EXOC6B: variants seen among roughly 807,000 people sequenced by gnomAD.
EXOC6B encodes exocyst complex component 6B.
EXOC6B carries 54 observed loss-of-function variants against 113.5 expected under a neutral mutation model. The observed-to-expected ratio is 0.48, with a 90% confidence interval of 0.38 to 0.60. EXOC6B has a LOEUF of 0.60. Ranked by LOEUF, EXOC6B falls within the 20% of genes least tolerant of loss-of-function variation. The probability of loss-of-function intolerance (pLI) is 0.00; values close to 1 mark genes in which losing one functional copy is unlikely to be tolerated. For missense variants in EXOC6B, 797 were observed against 977.5 expected, an observed-to-expected ratio of 0.82 and a Z score of 2.46; for synonymous variants, 357 against 339.0, an observed-to-expected ratio of 1.05 and a Z score of -0.58.
chr2:72,423,067 C>T (rs1052270781), intron 18 of EXOC6B, among the ~76,000 whole-genome samples: 29 of 152,286 alleles, frequency 1.9e-4, no homozygotes, highest in African/African-American at 5.5e-4. Flanking sequence ...TTTGGGTCCA[C>T]GCTGCTTTTA....
intron 5 of EXOC6B, among the ~76,000 whole-genome samples, chr2:72,720,756 A>T (rs888536548): frequency 6.6e-6 from 1 of 152,102 alleles, no homozygotes; most frequent in African/African-American, 2.4e-5. Context: ...CCGTCAAAAA[A>T]TAAAAATAAA....
At chr2:72,241,382 T>C (rs978912036) in intron 20 of EXOC6B, among the ~76,000 whole-genome samples, 4 of 152,044 alleles carry the variant, frequency 2.6e-5, no homozygotes, top group Non-Finnish European at 4.4e-5. Flanking sequence ...CATGGGACAA[T>C]TGCAAAAGGT....
At chr2:72,639,909 G>A (rs1422525811) in intron 6 of EXOC6B, among the ~76,000 whole-genome samples, 2 of 152,206 alleles carry the variant, frequency 1.3e-5, no homozygotes, top group Non-Finnish European at 2.9e-5. Flanking sequence ...AGCCAACAAG[G>A]ATGAGAAAGA....
At chr2:72,459,689 C>G (rs1000031731) in intron 18 of EXOC6B, among the ~76,000 whole-genome samples, 10 of 152,076 alleles carry the variant, frequency 6.6e-5, no homozygotes, top group African/African-American at 2.4e-4. Flanking sequence ...CAAACCACTG[C>G]TCAAGGAAAT....
chr2:72,607,517 T>A (rs1056458309), intron 6 of EXOC6B, among the ~76,000 whole-genome samples: 1 of 152,166 alleles, frequency 6.6e-6, no homozygotes, highest in East Asian at 1.9e-4. Context: ...GGAAAATCTC[T>A]CTCTCAAAAA....
chr2:72,737,011 T>A (rs1681011319), intron 2 of EXOC6B, among the ~76,000 whole-genome samples: 1 of 152,184 alleles, frequency 6.6e-6, no homozygotes, highest in African/African-American at 2.4e-5. Context: ...TACAAATGTA[T>A]GGACCAATAA....
At chr2:72,386,751 C>A (rs185632105) in intron 18 of EXOC6B, among the ~76,000 whole-genome samples, 1 of 152,126 alleles carries the variant, frequency 6.6e-6, no homozygotes, top group Non-Finnish European at 1.5e-5. Flanking sequence ...AGAGAAAATA[C>A]GGGAAACTAT....
intron 6 of EXOC6B, among the ~76,000 whole-genome samples, chr2:72,645,801 G>C (rs1033051678): frequency 6.6e-6 from 1 of 152,102 alleles, no homozygotes; most frequent in Non-Finnish European, 1.5e-5. Context: ...AGTGTGTAGA[G>C]GGAAATTTAT....
intron 20 of EXOC6B, among the ~76,000 whole-genome samples, chr2:72,222,370 G>A (rs1410061832): frequency 1.3e-5 from 2 of 152,144 alleles, no homozygotes; most frequent in African/African-American, 4.8e-5. Context: ...AATGTTTTTT[G>A]TGTAGACCAC....
rs141332071 is a variant in EXOC6B, at chr2:72,289,229, C to T, written c.2196+45718G>A. 29 of 158,036 alleles carry T rather than the reference C, an allele frequency of 1.8e-4. No homozygotes were observed. In the East Asian group the frequency reaches 5.2e-3, roughly 28 times the overall value. 9.8% of individuals were successfully genotyped at this position (158,036 alleles called of 1,614,324 possible). A position where few individuals can be genotyped will look rare whatever the true frequency, so the allele number is the denominator to read the frequency against. On this transcript the variant is annotated intron_variant, in intron 20 of 21. Coordinates refer to ENST00000272427, the MANE Select transcript of EXOC6B (RefSeq NM_015189.3). Reference sequence around the variant, plus strand: ...TGGAACTGGAAGCAGGAACAAGGGGCCTTTGAGGGATGTCGGTAATATTCT... The same window carrying T: ...TGGAACTGGAAGCAGGAACAAGGGGTCTTTGAGGGATGTCGGTAATATTCT...
At chr2:72,739,742 A>C (rs1434360092) in intron 2 of EXOC6B, among the ~76,000 whole-genome samples, 1 of 152,194 alleles carries the variant, frequency 6.6e-6, no homozygotes, top group African/African-American at 2.4e-5. Flanking sequence ...ATAGTTAAGC[A>C]TTAAAGAACA....
chr2:72,369,177 C>G (rs573536750), intron 19 of EXOC6B, among the ~76,000 whole-genome samples: 2 of 152,170 alleles, frequency 1.3e-5, no homozygotes, highest in South Asian at 4.1e-4. Context: ...TCTCAGGATA[C>G]AAAATCAATG....
At chr2:72,519,808 G>A (rs528895278) in intron 8 of EXOC6B, among the ~76,000 whole-genome samples, 6 of 152,230 alleles carry the variant, frequency 3.9e-5, no homozygotes, top group South Asian at 2.1e-4. Context: ...ACATATTTGC[G>A]TCTATAGCTT....
At chr2:72,559,278 T>C (rs772389601) in intron 8 of EXOC6B, among the ~76,000 whole-genome samples, 175 bp downstream of exon 8, 3 of 152,218 alleles carry the variant, frequency 2.0e-5, no homozygotes, top group Non-Finnish European at 2.9e-5. Flanking sequence ...AGCCATAGCA[T>C]ATTACATAAA....
intron 19 of EXOC6B, among the ~76,000 whole-genome samples, chr2:72,364,871 A>G (rs955532782): frequency 1.3e-5 from 2 of 152,160 alleles, no homozygotes; most frequent in Non-Finnish European, 2.9e-5. Context: ...GATTGCCTAC[A>G]CCAAAGCCCT....
chr2:72,350,047 G>C (rs1383243758), intron 19 of EXOC6B, among the ~76,000 whole-genome samples: 1 of 152,016 alleles, frequency 6.6e-6, no homozygotes, highest in Non-Finnish European at 1.5e-5. Flanking sequence ...CTCGATATTG[G>C]GTCCATTTTA....
At position 72,825,166 on chromosome 2, in the gene EXOC6B, T is replaced by G. The variant is rs984340391; in HGVS notation, c.113+632A>C. Among the ~76,000 whole-genome samples the G allele has an allele frequency of 6.6e-5, 10 of 151,790 alleles. No homozygotes were observed. Among genetic ancestry groups the G allele is most frequent in the Non-Finnish European group, 1.3e-4 (9 of 67,934 alleles). Reference sequence around the variant, plus strand: ...TGTGCGTGCAAAAAAAAATGATAACTGGGGGGCGGCAGCAGGGTCAGTTTT... The same window carrying G: ...TGTGCGTGCAAAAAAAAATGATAACGGGGGGGCGGCAGCAGGGTCAGTTTT... On this transcript the variant is annotated intron_variant, in intron 1 of 21. Transcript: ENST00000272427. The surrounding 1 kb of genome is among the most constrained non-coding windows in gnomAD (Gnocchi z 4.4).
intron 20 of EXOC6B, among the ~76,000 whole-genome samples, chr2:72,289,446 C>A (rs193222237): frequency 1.1e-3 from 165 of 152,238 alleles, no homozygotes; most frequent in Non-Finnish European, 1.7e-3. Flanking sequence ...TCATGAGTAG[C>A]AGCCAGTGGA....
chr2:72,576,864 G>A (rs1421548599), intron 6 of EXOC6B, among the ~76,000 whole-genome samples: 1 of 152,030 alleles, frequency 6.6e-6, no homozygotes, highest in African/African-American at 2.4e-5. Flanking sequence ...TTGAGAATGT[G>A]ACCTCTGAAA....
Sources: gnomAD v4.1 joint callset for allele counts (sites outside exome capture counted in the v4.1 genomes callset) on GRCh38, gnomAD v4.1.1 for gene constraint, Gnocchi (gnomAD v3.1) non-coding constraint, MANE v1.5 for transcripts, NCBI Gene and HGNC (gene_info 2026-07-23, HGNC 2026-07-21) for gene names.